PACSIN2: variants seen among roughly 807,000 people sequenced by gnomAD.
PACSIN2 encodes the protein protein kinase C and casein kinase substrate in neurons protein 2.
A neutral mutation model predicts 63.8 loss-of-function variants in PACSIN2; 25 were observed. The ratio of observed to expected loss-of-function variants is 0.39; its 90% confidence interval spans 0.29 to 0.55. The LOEUF is 0.55. Among genes scored for constraint, PACSIN2 ranks in the 20% least tolerant of loss-of-function variants. The pLI is 0.62. For missense variants in PACSIN2, 518 were observed against 646.9 expected, an observed-to-expected ratio of 0.80 and a Z score of 2.16; for synonymous variants, 255 against 256.2, an observed-to-expected ratio of 1.00 and a Z score of 0.05.
intron 1 of PACSIN2, among the ~76,000 whole-genome samples, chr22:43,009,569 A>C (rs542965193): frequency 1.1e-4 from 16 of 152,320 alleles, no homozygotes; most frequent in African/African-American, 3.6e-4. Flanking sequence ...TCATTTTACA[A>C]ATATGAAAAC....
chr22:42,937,358 G>A (rs146541420), intron 1 of PACSIN2, among the ~76,000 whole-genome samples: 6 of 152,322 alleles, frequency 3.9e-5, no homozygotes, highest in Non-Finnish European at 7.3e-5. Context: ...AGAAAGACAG[G>A]TGTGGCAGCA....
intron 1 of PACSIN2, among the ~76,000 whole-genome samples, chr22:42,965,485 C>A (rs1488407294): frequency 6.6e-6 from 1 of 152,132 alleles, no homozygotes; most frequent in Non-Finnish European, 1.5e-5. Flanking sequence ...AAGAAAAGCC[C>A]CCAGCAGAAG....
chr22:42,899,413 G>A (rs545770565), intron 2 of PACSIN2, among the ~76,000 whole-genome samples: 52 of 152,034 alleles, frequency 3.4e-4, no homozygotes, highest in African/African-American at 5.3e-4. Flanking sequence ...TCGGCCTCCC[G>A]AGTAGCTGGG....
At chr22:42,878,615 G>T (rs931727184) in intron 8 of PACSIN2, among the ~76,000 whole-genome samples, 1 of 152,132 alleles carries the variant, frequency 6.6e-6, no homozygotes, top group Non-Finnish European at 1.5e-5. Flanking sequence ...TCCCTCCCTC[G>T]ACTGGCGCCT....
intron 1 of PACSIN2, among the ~76,000 whole-genome samples, chr22:42,931,007 C>G (rs191390881): frequency 6.6e-6 from 1 of 152,218 alleles, no homozygotes; most frequent in Non-Finnish European, 1.5e-5. Context: ...CATGCCAACC[C>G]GAGTCCAACA....
At chr22:42,908,050 T>C (rs1272953883) in intron 2 of PACSIN2, among the ~76,000 whole-genome samples, 1 of 152,162 alleles carries the variant, frequency 6.6e-6, no homozygotes, top group African/African-American at 2.4e-5. Context: ...ATTCCCAGAA[T>C]ATTTGACACA....
chr22:42,882,909 G>A (rs1458076857), intron 6 of PACSIN2, among the ~76,000 whole-genome samples: 3 of 152,186 alleles, frequency 2.0e-5, no homozygotes, highest in African/African-American at 7.2e-5. Context: ...ACTTTCTCTG[G>A]GCCTCGGTTT....
At position 42,876,192 on chromosome 22, in the gene PACSIN2, G is replaced by T; in HGVS notation, c.1293C>A (p.Val431=). Residue 431 remains valine (V), a synonymous_variant, in exon 10 of 11, where the codon GTC becomes GTA. Coordinates refer to ENST00000263246, the MANE Select transcript of PACSIN2 (RefSeq NM_001184970.3). Reference sequence around the variant, plus strand: ...GCCCCTCATAGTCATACAGGGCCCGGACTCGCACTTCCGTCCCCGAGGTGG... The same window carrying T: ...GCCCCTCATAGTCATACAGGGCCCGTACTCGCACTTCCGTCCCCGAGGTGG... ...DDATSGTEVR[V]RALYDYEGQE... is the part of the protein sequence containing the mutation. 6.2e-7 allele frequency: 1 copy of T among 1,614,208 alleles called. No homozygotes were observed. Among genetic ancestry groups the T allele is most frequent in the Non-Finnish European group, 8.5e-7 (1 of 1,180,046 alleles).
chr22:42,983,992 A>C (rs1922432753), intron 1 of PACSIN2, among the ~76,000 whole-genome samples: 1 of 114,382 alleles, frequency 8.7e-6, no homozygotes, highest in Admixed American at 1.1e-4. Context: ...TTTTTTTGAG[A>C]CAGGGTCTGG....
intron 3 of PACSIN2, 86 bp downstream of exon 3, chr22:42,893,371 G>A (rs1286339544): frequency 1.5e-6 from 2 of 1,356,428 alleles, no homozygotes; most frequent in Non-Finnish European, 2.1e-6. Context: ...CAGAAAACTG[G>A]CATAGAGAGG....
rs1388382431 is a variant in PACSIN2 at position 42,876,943 on chromosome 22, C to T, written c.1096G>A (p.Asp366Asn). Residue 366 changes from aspartate (D) to asparagine (N), a missense_variant, in exon 9 of 11, where the codon GAT becomes AAT. This residue lies in a region of PACSIN2 where 507 missense variants were observed against 612.3 expected (regional missense o/e 0.83). Transcript: ENST00000263246. ...ACGGTGCTGCCCGTGTCGTCCTCAT[C>T]CTCGAAGGGGTTGTAGCTGGACTGT... ...QSQSSYNPFEDEDDTGSTVSE... is the reference protein window; with the variant it reads ...QSQSSYNPFENEDDTGSTVSE... 1 of 1,614,184 alleles carries T rather than the reference C, an allele frequency of 6.2e-7. No individual in the cohort carries two copies. The highest frequency in any genetic ancestry group is 1.1e-5 in the South Asian group (1 of 91,086).
At chr22:42,878,508 T>C (rs1928819979) in intron 8 of PACSIN2, among the ~76,000 whole-genome samples, 1 of 152,190 alleles carries the variant, frequency 6.6e-6, no homozygotes, top group South Asian at 2.1e-4. Flanking sequence ...GTGCCACCCT[T>C]ATATCTCTCA....
chr22:42,981,522 G>A (rs1922130198), intron 1 of PACSIN2, among the ~76,000 whole-genome samples: 3 of 90,012 alleles, frequency 3.3e-5, no homozygotes, highest in Non-Finnish European at 2.2e-5. Flanking sequence ...GGAGGGAGGT[G>A]GGGGGGTCAG....
At chr22:42,883,203 C>T (rs1241539117) in intron 6 of PACSIN2, among the ~76,000 whole-genome samples, 4 of 152,134 alleles carry the variant, frequency 2.6e-5, no homozygotes, top group African/African-American at 9.7e-5. Flanking sequence ...CCAGCCTCAC[C>T]CTGCTCCTGC....
At chr22:42,991,825 A>C (rs1023242042) in intron 1 of PACSIN2, among the ~76,000 whole-genome samples, 8 of 152,088 alleles carry the variant, frequency 5.3e-5, no homozygotes, top group East Asian at 1.9e-4. Flanking sequence ...AAAAAAAAAA[A>C]AAAAACCTTC....
intron 6 of PACSIN2, among the ~76,000 whole-genome samples, chr22:42,883,775 G>C (rs1474849517): frequency 6.6e-6 from 1 of 152,180 alleles, no homozygotes; most frequent in Non-Finnish European, 1.5e-5. Flanking sequence ...GAAGGCCGAG[G>C]TGGGCGGATC....
chr22:42,871,021 C>A lies in PACSIN2; in HGVS notation c.*336G>T. ...TGATGGACTCGTCAGAGAGAGTAAT[C>A]AGTGGAACAAGATCAGTGTAACCCA... On this transcript the variant is annotated 3_prime_UTR_variant, in exon 11 of 11. Coordinates refer to ENST00000263246, the MANE Select transcript of PACSIN2 (RefSeq NM_001184970.3). This position sits in a 1 kb window ranked among gnomAD's most constrained non-coding sequence, Gnocchi z 5.4. The A allele has an allele frequency of 3.4e-6, 1 of 292,560 alleles. No homozygotes were observed. The highest frequency in any genetic ancestry group is 6.5e-6 in the Non-Finnish European group (1 of 152,856). The allele number at this position is 292,560 out of a possible 1,614,324, so 18.1% of individuals were successfully genotyped here. A position where few individuals can be genotyped will look rare whatever the true frequency, so the allele number is the denominator to read the frequency against.
chr22:42,922,274 G>A (rs1601524344), intron 1 of PACSIN2, among the ~76,000 whole-genome samples: 1 of 152,314 alleles, frequency 6.6e-6, no homozygotes, highest in East Asian at 1.9e-4. Context: ...CTTGATAACA[G>A]ATATCAGGTA....
intron 1 of PACSIN2, among the ~76,000 whole-genome samples, chr22:42,990,068 G>GTA (rs573537347): frequency 8.6e-6 from 1 of 116,524 alleles, no homozygotes; most frequent in Non-Finnish European, 1.8e-5. Context: ...ACATATGTGT[G>GTA]TATATATATG....
Sources: gnomAD v4.1 joint callset for allele counts (sites outside exome capture counted in the v4.1 genomes callset) on GRCh38, gnomAD v4.1.1 for gene constraint, gnomAD v4.1.1 regional missense constraint, Gnocchi (gnomAD v3.1) non-coding constraint, MANE v1.5 for transcripts, NCBI Gene and HGNC (gene_info 2026-07-23, HGNC 2026-07-21) for gene names.